The following NLGN1 variants were observed in gnomAD, a reference collection of about 807,000 sequenced individuals.
NLGN1 encodes the protein neuroligin-1.
In NLGN1, 12 loss-of-function variants were observed where a neutral mutation model predicts 65.5. That is an observed-to-expected ratio of 0.18 (90% CI 0.12 to 0.30). NLGN1 has a LOEUF of 0.30. Ranked by LOEUF, NLGN1 falls within the 10% of genes least tolerant of loss-of-function variation. The pLI is 1.00. For synonymous variants in NLGN1, 350 were observed against 359.5 expected, an observed-to-expected ratio of 0.97 and a Z score of 0.30; for missense variants, 750 against 1,007.1, an observed-to-expected ratio of 0.74 and a Z score of 3.46.
chr3:173,582,958 T>A (rs1230656809), intron 2 of NLGN1, among the ~76,000 whole-genome samples: 2 of 152,202 alleles, frequency 1.3e-5, no homozygotes, highest in African/African-American at 4.8e-5. Context: ...TATCATTATT[T>A]CATATGGCTA....
chr3:173,915,620 G>A (rs1266851967), intron 4 of NLGN1, among the ~76,000 whole-genome samples: 3 of 152,094 alleles, frequency 2.0e-5, no homozygotes, highest in Non-Finnish European at 2.9e-5. Flanking sequence ...AAATAATATC[G>A]TGAAGAACGC....
At chr3:173,601,303 G>C (rs1750506543) in intron 2 of NLGN1, among the ~76,000 whole-genome samples, 1 of 152,148 alleles carries the variant, frequency 6.6e-6, no homozygotes, top group South Asian at 2.1e-4. Context: ...GTAGTTTGCT[G>C]CTGGCCTTTT....
At chr3:174,145,696 A>G (rs542428515) in intron 4 of NLGN1, among the ~76,000 whole-genome samples, 2 of 151,596 alleles carry the variant, frequency 1.3e-5, no homozygotes, top group African/African-American at 2.4e-5. Flanking sequence ...AAAAGACTAG[A>G]TAATGCTCTG....
chr3:173,706,338 ATAAT>A (rs1194450651), intron 3 of NLGN1, among the ~76,000 whole-genome samples: 1 of 152,236 alleles, frequency 6.6e-6, no homozygotes, highest in Non-Finnish European at 1.5e-5. Context: ...AATTTTAAAA[ATAAT>A]TATGCATGAT....
chr3:173,661,768 GC>G (rs1482670998), intron 3 of NLGN1, among the ~76,000 whole-genome samples: 1 of 151,858 alleles, frequency 6.6e-6, no homozygotes. Flanking sequence ...GGCATTTTGG[GC>G]CACTTAGCGA....
intron 3 of NLGN1, among the ~76,000 whole-genome samples, chr3:173,746,401 C>T (rs1010225382): frequency 1.3e-5 from 2 of 152,034 alleles, no homozygotes; most frequent in Non-Finnish European, 2.9e-5. Flanking sequence ...TGACCTTTTA[C>T]ACTTGGCCCT....
At chr3:173,722,402 C>T (rs979928975) in intron 3 of NLGN1, among the ~76,000 whole-genome samples, 1 of 151,916 alleles carries the variant, frequency 6.6e-6, no homozygotes, top group Non-Finnish European at 1.5e-5. Flanking sequence ...GCCACCACGC[C>T]CGACTAATTT....
chr3:174,180,983 T>C (rs1315231589), intron 4 of NLGN1: 1 of 152,056 alleles, frequency 6.6e-6, no homozygotes, highest in East Asian at 1.9e-4. Context: ...TGCAGAGAAA[T>C]CAGATGTAAA....
In NLGN1 at chr3:173,454,474, T is replaced by A. The variant is rs1577568125; in HGVS notation, c.-321+19396T>A. ...TTAGAAGAAAGCCTACAAGCCAGGC[T>A]TACTGTAGCCACCTTCATCAGTGAT... On this transcript the variant is annotated intron_variant, in intron 2 of 6. Coordinates refer to ENST00000457714, the Ensembl canonical transcript of NLGN1. Among the ~76,000 whole-genome samples, 3 of 152,230 alleles carry A rather than the reference T, an allele frequency of 2.0e-5. No individual in the cohort carries two copies. The South Asian group carries it at 6.2e-4, about 31-fold the overall frequency.
At chr3:174,259,154 G>C (rs1468830617) in intron 4 of NLGN1, among the ~76,000 whole-genome samples, 1 of 152,044 alleles carries the variant, frequency 6.6e-6, no homozygotes, top group East Asian at 1.9e-4. Flanking sequence ...AAATAATCTA[G>C]TCTAGCCAAC....
At chr3:173,817,263 C>T (rs949754891) in intron 4 of NLGN1, among the ~76,000 whole-genome samples, 13 of 152,122 alleles carry the variant, frequency 8.5e-5, no homozygotes, top group Non-Finnish European at 1.6e-4. Context: ...CTGTGCAGCA[C>T]CTTGTTAAAG....
chr3:174,279,659 C>CTA lies in NLGN1; in HGVS notation c.1649+10_1649+11dup. ...AATTTTGCTAAAACTGGGTATGTAC[C>CTA]TAAGGAATGAAGTTTATTTTTAATA... is the stretch of plus-strand genomic sequence containing the variant. On this transcript the variant is annotated intron_variant, in intron 6 of 6. Coordinates refer to ENST00000457714, the Ensembl canonical transcript of NLGN1. The surrounding 1 kb of genome is among the most constrained non-coding windows in gnomAD (Gnocchi z 4.7). 6.7e-7 allele frequency: 1 copy of CTA among 1,496,752 alleles called. No homozygotes were observed. The highest frequency in any genetic ancestry group is 1.2e-5 in the South Asian group (1 of 82,654). 92.7% of individuals were successfully genotyped at this position (1,496,752 alleles called of 1,614,324 possible). A position where few individuals can be genotyped will look rare whatever the true frequency, so the allele number is the denominator to read the frequency against.
At chr3:173,418,969 TGA>T (rs1233701215) in intron 1 of NLGN1, among the ~76,000 whole-genome samples, 1 of 142,592 alleles carries the variant, frequency 7.0e-6, no homozygotes. Flanking sequence ...TAAAATATGA[TGA>T]TTTTTTTTTT....
At chr3:173,581,369 G>A (rs1746367154) in intron 2 of NLGN1, among the ~76,000 whole-genome samples, 1 of 151,530 alleles carries the variant, frequency 6.6e-6, no homozygotes, top group Non-Finnish European at 1.5e-5. Context: ...AAATACTCTG[G>A]GTGAGTTTTC....
chr3:174,265,412 C>T (rs946705848), intron 4 of NLGN1, among the ~76,000 whole-genome samples: 8 of 152,220 alleles, frequency 5.3e-5, no homozygotes, highest in Admixed American at 5.2e-4. Context: ...GTCCGAAAAG[C>T]ACAATATTCG....
At chr3:173,487,426 A>G (rs1014260921) in intron 2 of NLGN1, among the ~76,000 whole-genome samples, 7 of 151,950 alleles carry the variant, frequency 4.6e-5, no homozygotes, top group Admixed American at 4.6e-4. Flanking sequence ...TGTGTTTGAA[A>G]TAATATTGAT....
At chr3:174,107,013 C>CAGAGAG (rs1459688744) in intron 4 of NLGN1, among the ~76,000 whole-genome samples, 41 of 100,566 alleles carry the variant, frequency 4.1e-4, no homozygotes, top group Admixed American at 9.5e-4. Context: ...CACACACACA[C>CAGAGAG]ACACAGAGAG....
intron 3 of NLGN1, among the ~76,000 whole-genome samples, chr3:173,775,852 G>C (rs1780224273): frequency 6.6e-6 from 1 of 152,022 alleles, no homozygotes; most frequent in Non-Finnish European, 1.5e-5. Flanking sequence ...ATAAAGTGAA[G>C]GATACAGAAA....
intron 4 of NLGN1, among the ~76,000 whole-genome samples, chr3:174,265,054 C>T (rs535946820): frequency 6.4e-4 from 98 of 152,178 alleles, no homozygotes; most frequent in South Asian, 1.0e-3. Flanking sequence ...TCTCCAGCTG[C>T]GTGCTGGGAG....
Sources: gnomAD v4.1 joint callset for allele counts (sites outside exome capture counted in the v4.1 genomes callset) on GRCh38, gnomAD v4.1.1 for gene constraint, Gnocchi (gnomAD v3.1) non-coding constraint, MANE v1.5 for transcripts, NCBI Gene and HGNC (gene_info 2026-07-23, HGNC 2026-07-21) for gene names.